The following MALRD1 variants were observed in gnomAD, a reference collection of about 807,000 sequenced individuals.
The protein encoded by MALRD1 is MAM and LDL receptor class A domain containing 1, also known as MAM and LDL-receptor class A domain-containing protein 1.
A neutral mutation model predicts 242.1 loss-of-function variants in MALRD1; 247 were observed. The ratio of observed to expected loss-of-function variants is 1.02; its 90% CI spans 0.92 to 1.13. The LOEUF (loss-of-function observed/expected upper bound fraction) is 1.13. Among genes scored for constraint, MALRD1 ranks in the 50% most tolerant of loss-of-function variants. The pLI is 0.00. For synonymous variants in MALRD1, 995 were observed against 866.6 expected (o/e 1.15, Z -2.60); for missense variants, 2,989 against 2,533.1 (o/e 1.18, Z -3.86).
At chr10:19,544,486 C>T (rs1193692375) in intron 32 of MALRD1, among the ~76,000 whole-genome samples, 1 of 152,078 alleles carries the variant, frequency 6.6e-6, no homozygotes, top group Non-Finnish European at 1.5e-5. Context: ...CCACACCAGG[C>T]CTACTTGAGT....
intron 33 of MALRD1, among the ~76,000 whole-genome samples, chr10:19,574,803 A>G (rs1589255817): frequency 1.3e-5 from 2 of 152,304 alleles, no homozygotes; most frequent in Non-Finnish European, 1.5e-5. Context: ...AGGGCATGAC[A>G]TGGGAGAGGA....
chr10:19,263,514 T>C (rs1031840228), intron 19 of MALRD1, among the ~76,000 whole-genome samples: 9 of 152,174 alleles, frequency 5.9e-5, no homozygotes, highest in African/African-American at 2.2e-4. Context: ...TTTGTTTGTT[T>C]TTGCTGTTGA....
At chr10:19,211,398 A>G (rs1331478412) in intron 18 of MALRD1, among the ~76,000 whole-genome samples, 1 of 152,022 alleles carries the variant, frequency 6.6e-6, no homozygotes, top group Non-Finnish European at 1.5e-5. Flanking sequence ...TTGTCATTCT[A>G]GTGAGTAAAA....
chr10:19,110,056 A>G (rs1486627929), intron 5 of MALRD1, among the ~76,000 whole-genome samples: 1 of 152,204 alleles, frequency 6.6e-6, no homozygotes, highest in East Asian at 1.9e-4. Flanking sequence ...CTATGAATCC[A>G]GTCTGAGTCC....
chr10:19,489,920 G>T (rs951980979), intron 29 of MALRD1, among the ~76,000 whole-genome samples: 1 of 152,030 alleles, frequency 6.6e-6, no homozygotes, highest in Non-Finnish European at 1.5e-5. Flanking sequence ...TAATAACTTT[G>T]TTACTGTGCT....
intron 19 of MALRD1, among the ~76,000 whole-genome samples, chr10:19,270,517 G>A (rs1001164977): frequency 1.3e-5 from 2 of 151,836 alleles, no homozygotes; most frequent in Admixed American, 6.6e-5. Context: ...ATCTCCAGGT[G>A]AGAGAAAAAA....
chr10:19,491,628 C>G lies in MALRD1; in HGVS notation c.5141C>G (p.Ser1714Cys). Residue 1714 changes from serine (S) to cysteine (C), a missense_variant, in exon 30 of 40, where the codon TCT becomes TGT. Transcript: ENST00000454679. The part of the protein sequence containing the change: ...CDYKPDCSDR[S>C]DEAHCAHYTS... Reference sequence around the variant, plus strand: ...TATAAGCCAGACTGCTCTGATAGGTCTGATGAAGCTCACTGTGGTAAGTTT... The same window carrying G: ...TATAAGCCAGACTGCTCTGATAGGTGTGATGAAGCTCACTGTGGTAAGTTT... 1 of 1,549,580 alleles carries G rather than the reference C, an allele frequency of 6.5e-7. No homozygotes were observed. Among genetic ancestry groups the G allele is most frequent in the Non-Finnish European group, 8.7e-7 (1 of 1,146,714 alleles).
At chr10:19,314,902 A>G (rs1207753931) in intron 21 of MALRD1, among the ~76,000 whole-genome samples, 1 of 151,052 alleles carries the variant, frequency 6.6e-6, no homozygotes, top group African/African-American at 2.4e-5. Flanking sequence ...ATATGACCAG[A>G]TAAAGAGGTT....
intron 33 of MALRD1, among the ~76,000 whole-genome samples, chr10:19,593,352 C>T (rs773196813): frequency 3.3e-5 from 5 of 152,160 alleles, no homozygotes; most frequent in Non-Finnish European, 7.3e-5. Context: ...GTCATAGGGT[C>T]AGAGTCTAAA....
At chr10:19,150,542 C>G (rs1298422222) in intron 11 of MALRD1, among the ~76,000 whole-genome samples, 4 of 152,120 alleles carry the variant, frequency 2.6e-5, no homozygotes, top group Non-Finnish European at 4.4e-5. Flanking sequence ...AGGAGACTAC[C>G]ACACTCCTGT....
At chr10:19,064,632 G>A (rs1004960566) in intron 1 of MALRD1, among the ~76,000 whole-genome samples, 10 of 151,862 alleles carry the variant, frequency 6.6e-5, no homozygotes, top group African/African-American at 2.2e-4. Context: ...TTAGTTGGGC[G>A]TGGCAGCACA....
In MALRD1 at chr10:19,634,820, C is replaced by A. The variant is rs1016357360; in HGVS notation, c.6137+18897C>A. ...AGATGCCACAGACCTATTTGAAAAACAACAACAACAACAACAAAGCTAAAT... is the reference window on the plus strand; with the variant it reads ...AGATGCCACAGACCTATTTGAAAAAAAACAACAACAACAACAAAGCTAAAT... On this transcript the variant is annotated intron_variant, in intron 36 of 39. Transcript: ENST00000454679. Among the ~76,000 whole-genome samples, 7 of 151,866 alleles carry A rather than the reference C, an allele frequency of 4.6e-5. No homozygotes were observed. The East Asian group carries it at 1.4e-3, about 29-fold the overall frequency.
rs533444035 is a variant in MALRD1, at chr10:19,102,676, C to T, written c.598-1303C>T. Among the ~76,000 whole-genome samples the T allele has an allele frequency of 2.0e-5, 3 of 147,450 alleles. No homozygotes were observed. The East Asian group carries it at 6.0e-4, about 30-fold the overall frequency. On this transcript the variant is annotated intron_variant, in intron 4 of 39. Coordinates refer to ENST00000454679, the MANE Select transcript of MALRD1 (RefSeq NM_001142308.3). ...AACAAAGCCTCTAACATCAGTGATA[C>T]TCATTAATAAGGGTGGGATAATGTC...
intron 18 of MALRD1, among the ~76,000 whole-genome samples, chr10:19,240,614 G>A (rs1308617143): frequency 6.6e-6 from 1 of 152,008 alleles, no homozygotes; most frequent in Non-Finnish European, 1.5e-5. Context: ...CTAAATAGAA[G>A]TGGTAGAAGT....
chr10:19,479,785 C>G (rs1045180191), intron 29 of MALRD1, among the ~76,000 whole-genome samples: 3 of 152,162 alleles, frequency 2.0e-5, no homozygotes, highest in African/African-American at 7.2e-5. Flanking sequence ...TGAATTTACT[C>G]AGGGACCCAG....
In MALRD1 at chr10:19,128,377, A is replaced by G. The variant is rs888069431; in HGVS notation, c.1100A>G (p.Tyr367Cys). Residue 367 changes from tyrosine to cysteine, a missense_variant, in exon 8 of 40, where the codon TAT (tyrosine) becomes TGT (cysteine). Transcript: ENST00000454679. ...AGCAGTGTCCTGAGAGTAAGACTGT[A>G]TAATAATAAGGTAAGAAGAAAGTTG... ...MESSVLRVRL[Y>C]NNKEEEIFWT... The G allele has an allele frequency of 2.2e-5, 27 of 1,232,846 alleles. No homozygotes were observed. The African/African-American group carries it at 3.7e-4, about 17-fold the overall frequency. 76.4% of individuals were successfully genotyped at this position (1,232,846 alleles called of 1,614,324 possible). A position where few individuals can be genotyped will look rare whatever the true frequency, so the allele number is the denominator to read the frequency against.
rs779790954 is a variant in MALRD1, at chr10:19,727,749, A to G, written c.6315-2957A>G. Among the ~76,000 whole-genome samples, 29 of 146,624 alleles carry G rather than the reference A, an allele frequency of 2.0e-4. 1 individual carries two copies. Among genetic ancestry groups the G allele is most frequent in the Non-Finnish European group, 3.9e-4 (26 of 66,650 alleles). ...AAGAGCTACCGGCATATTGACAAAT[A>G]CAGTAAGTCAAACATTGCATTTTTT... On this transcript the variant is annotated intron_variant, in intron 38 of 39. Transcript: ENST00000454679.
chr10:19,340,436 T>G (rs1843798083), intron 24 of MALRD1, among the ~76,000 whole-genome samples: 1 of 151,416 alleles, frequency 6.6e-6, no homozygotes, highest in Non-Finnish European at 1.5e-5. Context: ...GTGGGTGGAG[T>G]CCAGGCTTGA....
At position 19,730,543 on chromosome 10, in the gene MALRD1, T is replaced by A. The variant is rs888130327; in HGVS notation, c.6315-163T>A. The A allele has an allele frequency of 2.9e-5, 23 of 786,192 alleles. No individual in the cohort carries two copies. In the African/African-American group the frequency reaches 3.8e-4, roughly 13 times the overall value. The allele number at this position is 786,192 out of a possible 1,614,324, so 48.7% of individuals were successfully genotyped here. On this transcript the variant is annotated intron_variant, in intron 38 of 39. Transcript: ENST00000454679. ...GGTTGCCTTGGTGTCCTGCAAAAAA[T>A]AAAAAATAAAAAACAAACTTTACTT... is the stretch of plus-strand genomic sequence containing the variant.
Sources: gnomAD v4.1 joint callset for allele counts (sites outside exome capture counted in the v4.1 genomes callset) on GRCh38, gnomAD v4.1.1 for gene constraint, MANE v1.5 for transcripts, NCBI Gene and HGNC (gene_info 2026-07-23, HGNC 2026-07-21) for gene names.